The following SLC24A2 variants were observed in gnomAD, a reference collection of about 807,000 sequenced individuals.
The protein encoded by SLC24A2 is solute carrier family 24 member 2.
Under a neutral mutation model 62.0 loss-of-function variants are expected in SLC24A2, and 36 were observed. The ratio of observed to expected loss-of-function variants is 0.58; its 90% CI spans 0.44 to 0.77. The LOEUF (loss-of-function observed/expected upper bound fraction) is 0.77, where lower values mean the gene tolerates loss of function less well. SLC24A2 is among the 30% of genes least tolerant of loss of function. The pLI is 0.00. For synonymous variants in SLC24A2, 358 were observed against 294.0 expected, an observed-to-expected ratio of 1.22 and a Z score of -2.23; for missense variants, 846 against 817.9, an observed-to-expected ratio of 1.03 and a Z score of -0.42.
the SLC24A2 span, among the ~76,000 whole-genome samples, chr9:19,876,688 G>A: frequency 1.3e-5 from 2 of 152,098 alleles, no homozygotes; most frequent in South Asian, 2.1e-4. Flanking sequence ...ACATTACACA[G>A]CTTTCTCTGT....
intron 4 of SLC24A2, among the ~76,000 whole-genome samples, chr9:19,605,799 C>G (rs148031721): frequency 6.6e-6 from 1 of 152,206 alleles, no homozygotes; most frequent in African/African-American, 2.4e-5. Context: ...TAACAGCCCA[C>G]GACAGATACC....
rs971358292 is a variant in SLC24A2 at position 19,567,063 on chromosome 9, T to C, written c.1347+6288A>G. 2.8e-4 allele frequency among the ~76,000 whole-genome samples: 43 copies of C among 151,296 alleles called. 1 individual carries two copies. Among genetic ancestry groups the C allele is most frequent in the East Asian group, 7.8e-4 (4 of 5,142 alleles). On this transcript the variant is annotated intron_variant, in intron 7 of 10. Coordinates refer to ENST00000341998, the MANE Select transcript of SLC24A2 (RefSeq NM_020344.4). ...ACATGGCACATGTATACATATGTAA[T>C]AAACCTGCACGTTGTGCACATGTAC...
chr9:19,786,640 G>A lies in SLC24A2; in HGVS notation c.227C>T (p.Pro76Leu). Residue 76 changes from proline (P) to leucine (L), a missense_variant, in exon 2 of 11, where the codon CCT becomes CTT. Transcript: ENST00000341998. This position sits in a 1 kb window ranked among gnomAD's most constrained non-coding sequence, Gnocchi z 5.0. ...CTGATGGTAACCCTGTGCTACCCTAGGGCCACTTACAACACTGGCCTCTCC... is the reference window on the plus strand; with the variant it reads ...CTGATGGTAACCCTGTGCTACCCTAAGGCCACTTACAACACTGGCCTCTCC... ...STGEASVVSGPRVAQGYHQRT... is the reference protein window; with the variant it reads ...STGEASVVSGLRVAQGYHQRT... 2 of 1,614,058 alleles carry A rather than the reference G, an allele frequency of 1.2e-6. No individual in the cohort carries two copies. Among genetic ancestry groups the A allele is most frequent in the South Asian group, 1.1e-5 (1 of 91,068 alleles).
chr9:19,533,766 A>G (rs1483707429), intron 8 of SLC24A2, among the ~76,000 whole-genome samples: 2 of 152,210 alleles, frequency 1.3e-5, no homozygotes, highest in East Asian at 3.8e-4. Flanking sequence ...GTCTTGTATT[A>G]AGCCACTAGG....
chr9:20,096,748 C>CT, the SLC24A2 span, among the ~76,000 whole-genome samples: 16 of 139,522 alleles, frequency 1.1e-4, no homozygotes, highest in South Asian at 1.2e-3. Context: ...ATTGAATATT[C>CT]TTTTTTTTAA....
chr9:20,042,536 T>C, the SLC24A2 span, among the ~76,000 whole-genome samples: 193 of 152,252 alleles, frequency 1.3e-3, 2 homozygotes, highest in African/African-American at 4.4e-3. Context: ...CCCACCAAGG[T>C]AGGGGTGAGA....
chr9:19,774,423 C>T (rs1822783086), intron 2 of SLC24A2, among the ~76,000 whole-genome samples: 1 of 152,156 alleles, frequency 6.6e-6, no homozygotes, highest in African/African-American at 2.4e-5. Flanking sequence ...TTGTGTTAAC[C>T]TTTAGCCATC....
chr9:20,296,145 G>C, the SLC24A2 span, among the ~76,000 whole-genome samples: 1 of 152,202 alleles, frequency 6.6e-6, no homozygotes, highest in Non-Finnish European at 1.5e-5. Context: ...AATTGCAATA[G>C]CCAAGCAATA....
At chr9:20,262,053 A>C in the SLC24A2 span, among the ~76,000 whole-genome samples, 2 of 152,104 alleles carry the variant, frequency 1.3e-5, no homozygotes, top group Non-Finnish European at 2.9e-5. Flanking sequence ...ATCATTTTTT[A>C]AATAACTCCA....
the SLC24A2 span, among the ~76,000 whole-genome samples, chr9:20,234,333 G>T: frequency 6.6e-6 from 1 of 152,138 alleles, no homozygotes; most frequent in South Asian, 2.1e-4. Flanking sequence ...TTCCAACTTG[G>T]TTCCATTCTC....
rs1450657253 is a variant in SLC24A2 at position 19,632,335 on chromosome 9, TA to T, written c.931-10037del. 6.6e-6 allele frequency among the ~76,000 whole-genome samples: 1 copy of T among 152,204 alleles called. No individual in the cohort carries two copies. The highest frequency in any genetic ancestry group is 1.5e-5 in the Non-Finnish European group (1 of 68,040). On this transcript the variant is annotated intron_variant, in intron 2 of 10. Coordinates refer to ENST00000341998, the MANE Select transcript of SLC24A2 (RefSeq NM_020344.4). The surrounding 1 kb of genome is among the most constrained non-coding windows in gnomAD (Gnocchi z 4.5). The stretch of plus-strand genomic sequence containing the variant: ...GCCAAATATCCTCCTTCACGGCATT[TA>T]AAAAATCACCCATTCATTCTTCATC...
chr9:20,104,105 G>T, the SLC24A2 span, among the ~76,000 whole-genome samples: 1 of 152,176 alleles, frequency 6.6e-6, no homozygotes, highest in Non-Finnish European at 1.5e-5. Flanking sequence ...ATCAGTGATG[G>T]AAGATGAAAT....
At chr9:19,719,415 G>T (rs1820958227) in intron 2 of SLC24A2, among the ~76,000 whole-genome samples, 1 of 152,124 alleles carries the variant, frequency 6.6e-6, no homozygotes, top group South Asian at 2.1e-4. Context: ...TGCTTTATCT[G>T]AGTTCTTTAC....
chr9:20,049,946 T>A, the SLC24A2 span, among the ~76,000 whole-genome samples: 1 of 152,116 alleles, frequency 6.6e-6, no homozygotes, highest in African/African-American at 2.4e-5. Context: ...CCTCTGCCCA[T>A]AATCTTGCTG....
At chr9:19,954,187 A>G in the SLC24A2 span, among the ~76,000 whole-genome samples, 3 of 152,262 alleles carry the variant, frequency 2.0e-5, no homozygotes, top group South Asian at 6.2e-4. Flanking sequence ...TTTACACTTT[A>G]TAAATTTCCC....
the SLC24A2 span, among the ~76,000 whole-genome samples, chr9:20,249,666 T>C: frequency 3.6e-5 from 5 of 139,844 alleles, no homozygotes; most frequent in Admixed American, 7.6e-5. Context: ...GATTGCACCA[T>C]TGCACTCCAG....
At chr9:19,641,072 T>C (rs1437586950) in intron 2 of SLC24A2, among the ~76,000 whole-genome samples, 1 of 152,232 alleles carries the variant, frequency 6.6e-6, no homozygotes, top group Non-Finnish European at 1.5e-5. Context: ...GGCTGATGCG[T>C]CAGTCTAGTG....
chr9:19,678,734 A>G (rs1279323386), intron 2 of SLC24A2, among the ~76,000 whole-genome samples: 2 of 152,156 alleles, frequency 1.3e-5, no homozygotes, highest in African/African-American at 4.8e-5. Flanking sequence ...TTATGTTAAG[A>G]TTTCACTCAA....
chr9:20,242,972 A>C, the SLC24A2 span, among the ~76,000 whole-genome samples: 3 of 152,150 alleles, frequency 2.0e-5, no homozygotes, highest in Non-Finnish European at 4.4e-5. Context: ...TGCAAAACGA[A>C]AAGTTTCATT....
Sources: gnomAD v4.1 joint callset for allele counts (sites outside exome capture counted in the v4.1 genomes callset) on GRCh38, gnomAD v4.1.1 for gene constraint, Gnocchi (gnomAD v3.1) non-coding constraint, MANE v1.5 for transcripts, NCBI Gene and HGNC (gene_info 2026-07-23, HGNC 2026-07-21) for gene names.